Variants in RERE observed in about 807,000 individuals in gnomAD.
RERE encodes the protein arginine-glutamic acid dipeptide repeats, also known as arginine-glutamic acid dipeptide repeats protein.
RERE carries 40 observed loss-of-function variants against 146.1 expected under a neutral mutation model. The observed-to-expected ratio is 0.27, with a 90% CI of 0.21 to 0.36. The LOEUF (loss-of-function observed/expected upper bound fraction) is 0.36, where lower values mean the gene tolerates loss of function less well. Ranked by LOEUF, RERE falls within the 10% of genes least tolerant of loss-of-function variation. The pLI is 1.00. For missense variants in RERE, 1,933 were observed against 2,138.7 expected (o/e 0.90, Z 1.90); for synonymous variants, 1,003 against 866.0 (o/e 1.16, Z -2.78).
chr1:8,463,402 C>A (rs1644551635), intron 11 of RERE, among the ~76,000 whole-genome samples: 1 of 152,168 alleles, frequency 6.6e-6, no homozygotes, highest in South Asian at 2.1e-4. Flanking sequence ...ATATTCACCA[C>A]TTTGGAGTCC....
At chr1:8,448,678 G>C (rs1425368571) in intron 11 of RERE, among the ~76,000 whole-genome samples, 1 of 151,964 alleles carries the variant, frequency 6.6e-6, no homozygotes, top group Admixed American at 6.6e-5. Flanking sequence ...CGTGTGCAGA[G>C]GCCTCCAGAT....
intron 1 of RERE, among the ~76,000 whole-genome samples, chr1:8,664,236 G>A (rs1638520828): frequency 6.6e-6 from 1 of 152,080 alleles, no homozygotes; most frequent in South Asian, 2.1e-4. Context: ...ACACCCTCCT[G>A]GAAGGCCTCT....
intron 12 of RERE, among the ~76,000 whole-genome samples, chr1:8,391,382 A>G (rs2124425982): frequency 6.6e-6 from 1 of 152,268 alleles, no homozygotes; most frequent in South Asian, 2.1e-4. Flanking sequence ...ACTGCCATGG[A>G]GCACACAAGG....
intron 12 of RERE, among the ~76,000 whole-genome samples, chr1:8,417,535 T>C (rs562837076): frequency 5.9e-5 from 9 of 152,304 alleles, no homozygotes; most frequent in Middle Eastern, 3.4e-3. Context: ...ACATTTCCAA[T>C]AGAGAAAATG....
At chr1:8,810,149 T>A (rs904922983) in intron 1 of RERE, among the ~76,000 whole-genome samples, 3 of 151,220 alleles carry the variant, frequency 2.0e-5, no homozygotes, top group African/African-American at 7.4e-5. Flanking sequence ...GGATTACAGG[T>A]ACCCGCCATC....
At chr1:8,725,038 A>C (rs1639933835) in intron 1 of RERE, among the ~76,000 whole-genome samples, 2 of 152,202 alleles carry the variant, frequency 1.3e-5, no homozygotes, top group African/African-American at 4.8e-5. Context: ...TATTTTGAAA[A>C]CACGAATGCT....
chr1:8,569,095 T>C (rs895372310), intron 4 of RERE, among the ~76,000 whole-genome samples: 2 of 152,160 alleles, frequency 1.3e-5, no homozygotes, highest in African/African-American at 2.4e-5. Context: ...TCTGGTTTTA[T>C]CAGATCAACA....
chr1:8,812,910 CAT>C (rs1225292070), intron 1 of RERE, among the ~76,000 whole-genome samples: 1 of 151,962 alleles, frequency 6.6e-6, no homozygotes, highest in East Asian at 1.9e-4. Flanking sequence ...TGTTCTAACA[CAT>C]ATTTAAAATG....
intron 1 of RERE, among the ~76,000 whole-genome samples, chr1:8,749,198 C>G (rs1300584023): frequency 6.6e-6 from 1 of 152,120 alleles, no homozygotes; most frequent in East Asian, 1.9e-4. Context: ...GCGCTCCTAA[C>G]CACCTCATGC....
Position 8,361,839 on chromosome 1 carries a change from T to C in RERE, c.1940A>G (p.Asn647Ser). 3 of 1,614,064 alleles carry C rather than the reference T, an allele frequency of 1.9e-6. No individual in the cohort carries two copies. The highest frequency in any genetic ancestry group is 2.5e-6 in the Non-Finnish European group (3 of 1,179,928). The change falls in exon 17 of 23, where the codon AAC (asparagine) becomes AGC (serine). Residue 647 changes from asparagine to serine, a missense_variant. Around this residue, in one of 11 missense-constraint regions of RERE, gnomAD observed 1,255 missense variants for 1,153.8 expected, o/e 1.09. Transcript: ENST00000400908. ...KEEASSPLKSNKRQREKVASD... is the reference protein window; with the variant it reads ...KEEASSPLKSSKRQREKVASD... ...GGCCACCTTCTCCCGCTGGCGTTTG[T>C]TACTCTTAAGAGGGGAAGAGGCTTC...
intron 2 of RERE, among the ~76,000 whole-genome samples, chr1:8,628,416 C>T (rs1379138833): frequency 1.3e-5 from 2 of 152,152 alleles, no homozygotes; most frequent in South Asian, 2.1e-4. Context: ...AAATACACTG[C>T]TTTGACCTGA....
chr1:8,495,310 C>CT, intron 9 of RERE, 148 bp from the exon 10 acceptor site: 17 of 514,030 alleles, frequency 3.3e-5, no homozygotes, highest in East Asian at 6.7e-5. Context: ...GCCTCTGCTC[C>CT]TATTTTTTTT....
At chr1:8,785,675 G>A (rs1280538156) in intron 1 of RERE, among the ~76,000 whole-genome samples, 1 of 152,154 alleles carries the variant, frequency 6.6e-6, no homozygotes, top group African/African-American at 2.4e-5. Context: ...AGGCTGGAGT[G>A]TGATGGCGCA....
chr1:8,747,816 C>T (rs779765894), intron 1 of RERE, among the ~76,000 whole-genome samples: 8 of 152,022 alleles, frequency 5.3e-5, no homozygotes, highest in Non-Finnish European at 8.8e-5. Context: ...CTGTCGCCCG[C>T]GCTGGAGTAC....
At chr1:8,605,844 A>ATTTTTTT (rs1646701466) in intron 4 of RERE, among the ~76,000 whole-genome samples, 3 of 16,840 alleles carry the variant, frequency 1.8e-4, no homozygotes, top group Admixed American at 7.8e-4. Flanking sequence ...TAAATACCAA[A>ATTTTTTT]CTTTTTTTTT....
chr1:8,408,074 C>A (rs1643502044), intron 12 of RERE, among the ~76,000 whole-genome samples: 1 of 152,130 alleles, frequency 6.6e-6, no homozygotes, highest in Non-Finnish European at 1.5e-5. Flanking sequence ...GGAAGAAATG[C>A]AAACACAGAG....
intron 1 of RERE, among the ~76,000 whole-genome samples, chr1:8,814,932 G>C (rs1281522886): frequency 6.6e-6 from 1 of 152,220 alleles, no homozygotes; most frequent in Middle Eastern, 3.2e-3. Flanking sequence ...AACCGTGCCT[G>C]TCAAAGGACA....
At chr1:8,701,330 A>ACTCC (rs1319094955) in intron 1 of RERE, among the ~76,000 whole-genome samples, 2 of 126,134 alleles carry the variant, frequency 1.6e-5, no homozygotes, top group Non-Finnish European at 1.7e-5. Flanking sequence ...ACACGCACAC[A>ACTCC]CTCCCTCCCT....
At chr1:8,670,510 G>A (rs548181532) in intron 1 of RERE, among the ~76,000 whole-genome samples, 14 of 152,296 alleles carry the variant, frequency 9.2e-5, no homozygotes, top group African/African-American at 2.2e-4. Context: ...CAGTCTGTAA[G>A]TTGGCCATAA....
Sources: allele counts gnomAD v4.1 joint callset (sites outside exome capture counted in the v4.1 genomes callset), GRCh38; gene constraint gnomAD v4.1.1; regional missense constraint gnomAD v4.1.1; transcripts MANE v1.5; gene names NCBI Gene and HGNC (gene_info 2026-07-23, HGNC 2026-07-21).